The following MMS22L variants were observed in gnomAD, a reference collection of about 807,000 sequenced individuals.
The protein encoded by MMS22L is MMS22 like, DNA repair protein, also known as protein MMS22-like.
A neutral mutation model predicts 159.1 loss-of-function variants in MMS22L; 74 were observed. That is an observed-to-expected ratio of 0.47 (90% confidence interval 0.39 to 0.56). MMS22L has a LOEUF of 0.56. Among genes scored for constraint, MMS22L ranks in the 20% least tolerant of loss-of-function variants. MMS22L has a pLI of 0.00. For missense variants in MMS22L, 1,351 were observed against 1,422.1 expected (o/e 0.95, Z 0.80); for synonymous variants, 517 against 506.9 (o/e 1.02, Z -0.27).
At chr6:97,270,221 G>T in intron 6 of MMS22L, 1 of 607,466 alleles carries the variant, frequency 1.6e-6, no homozygotes, top group Admixed American at 2.4e-5. Context: ...AACCCACCTT[G>T]GGGCTGCTGA....
intron 14 of MMS22L, among the ~76,000 whole-genome samples, chr6:97,221,292 G>A (rs926181583): frequency 6.6e-6 from 1 of 151,930 alleles, no homozygotes; most frequent in African/African-American, 2.4e-5. Flanking sequence ...AGGAAAACTC[G>A]TATCTATGTA....
intron 20 of MMS22L, 104 bp downstream of exon 20, chr6:97,167,967 G>A: frequency 3.1e-6 from 3 of 967,388 alleles, no homozygotes; most frequent in Non-Finnish European, 4.5e-6. Context: ...AAGCATTTGA[G>A]ATTATAATGT....
intron 7 of MMS22L, 149 bp downstream of exon 7, chr6:97,269,753 G>C: frequency 1.7e-6 from 1 of 571,840 alleles, no homozygotes; most frequent in South Asian, 2.6e-5. Context: ...AGTTATCTCT[G>C]GAAAGAAAGG....
intron 4 of MMS22L, among the ~76,000 whole-genome samples, chr6:97,277,767 G>C (rs1228317683): frequency 6.6e-6 from 1 of 152,046 alleles, no homozygotes; most frequent in East Asian, 1.9e-4. Flanking sequence ...ACCAGAATGA[G>C]CCCCAAACAT....
intron 19 of MMS22L, among the ~76,000 whole-genome samples, chr6:97,170,491 T>C (rs1398280321): frequency 2.6e-5 from 4 of 151,780 alleles, no homozygotes; most frequent in African/African-American, 9.7e-5. Flanking sequence ...TGGCTATAAA[T>C]ATATTATTTA....
chr6:97,193,370 C>T (rs1348099099), intron 14 of MMS22L, among the ~76,000 whole-genome samples: 1 of 152,144 alleles, frequency 6.6e-6, no homozygotes, highest in Admixed American at 6.5e-5. Flanking sequence ...AATGAAGTTG[C>T]TTGCCTGTGT....
chr6:97,150,636 T>G (rs1341088668), intron 23 of MMS22L, among the ~76,000 whole-genome samples: 1 of 152,192 alleles, frequency 6.6e-6, no homozygotes, highest in African/African-American at 2.4e-5. Flanking sequence ...AGAAAATCCT[T>G]TTCTCCCCTC....
rs77747647 is a variant in MMS22L at position 97,255,176 on chromosome 6, T to C, written c.943-443A>G. On this transcript the variant is annotated intron_variant, in intron 9 of 24. Coordinates refer to ENST00000683635, the MANE Select transcript of MMS22L (RefSeq NM_001350599.2). Reference sequence around the variant, plus strand: ...CTATATTAATGAAAACTGCCATAGCTTATTGCAATATTCCAGTATATGACT... The same window carrying C: ...CTATATTAATGAAAACTGCCATAGCCTATTGCAATATTCCAGTATATGACT... Among the ~76,000 whole-genome samples the C allele has an allele frequency of 7.0e-3, 1,066 of 152,286 alleles. 12 individuals are homozygous for C. The highest frequency in any genetic ancestry group is 0.024 in the African/African-American group (996 of 41,580).
In MMS22L at chr6:97,157,782, T is replaced by G. The variant is rs4839899; in HGVS notation, c.3385+4220A>C. On this transcript the variant is annotated intron_variant, in intron 22 of 24. Transcript: ENST00000683635. ...CAGGGATATTGATCTAAAATTTTTT[T>G]TTGTTGTTGTGTCTCTGCCAGGTTT... 4.6e-3 allele frequency among the ~76,000 whole-genome samples: 703 copies of G among 152,290 alleles called. 7 individuals are homozygous for G. The highest frequency in any genetic ancestry group is 0.036 in the East Asian group (188 of 5,174).
intron 14 of MMS22L, among the ~76,000 whole-genome samples, chr6:97,216,669 C>T (rs180816034): frequency 6.6e-6 from 1 of 152,166 alleles, no homozygotes; most frequent in African/African-American, 2.4e-5. Flanking sequence ...CCGTGTGGTG[C>T]CATGAAAGAG....
At chr6:97,194,673 G>A (rs1582559844) in intron 14 of MMS22L, among the ~76,000 whole-genome samples, 1 of 152,242 alleles carries the variant, frequency 6.6e-6, no homozygotes, top group East Asian at 1.9e-4. Context: ...CATGGAGGAG[G>A]ATTGAAAATA....
chr6:97,273,771 T>C (rs1815988823), intron 4 of MMS22L, among the ~76,000 whole-genome samples: 1 of 152,144 alleles, frequency 6.6e-6, no homozygotes, highest in Non-Finnish European at 1.5e-5. Flanking sequence ...AATAACCAAA[T>C]ATACATTGAA....
chr6:97,168,188 T>C lies in MMS22L; in HGVS notation c.2892A>G (p.Lys964=), dbSNP rs1803172302. 1.2e-6 allele frequency: 2 copies of C among 1,613,056 alleles called. No individual in the cohort carries two copies. Among genetic ancestry groups the C allele is most frequent in the Non-Finnish European group, 1.7e-6 (2 of 1,179,332 alleles). ...AQIFATSKAQ[K]LLFRIIDCLL... is the part of the protein sequence containing the mutation. ...AACAATCTATGATCCGGAATAGTAA[T>C]TTTTGGGCTTTAGAAGTGGCAAAGA... is the stretch of plus-strand genomic sequence containing the variant. Residue 964 remains lysine (K), a synonymous_variant, in exon 20 of 25, where the codon AAA becomes AAG. Coordinates refer to ENST00000683635, the MANE Select transcript of MMS22L (RefSeq NM_001350599.2).
At chr6:97,164,437 T>C (rs577394790) in intron 21 of MMS22L, among the ~76,000 whole-genome samples, 1 of 152,090 alleles carries the variant, frequency 6.6e-6, no homozygotes, top group South Asian at 2.1e-4. Flanking sequence ...AAACATTTTT[T>C]ATTACTGAAC....
chr6:97,245,561 CA>C (rs544680305), intron 11 of MMS22L, among the ~76,000 whole-genome samples: 2 of 151,282 alleles, frequency 1.3e-5, no homozygotes, highest in Admixed American at 1.3e-4. Flanking sequence ...AATATGTTCT[CA>C]AAAAAAATGA....
At position 97,281,232 on chromosome 6, in the gene MMS22L, A is replaced by G. The variant is rs1816730260; in HGVS notation, c.290+5T>C. On this transcript the variant is annotated splice_donor_5th_base_variant and intron_variant, in intron 3 of 24. Coordinates refer to ENST00000683635, the MANE Select transcript of MMS22L (RefSeq NM_001350599.2). The stretch of plus-strand genomic sequence containing the variant: ...CACTCACAGAAAGTTATAACGAAGA[A>G]ATACCTGAATAAATGAAAGAGTTCT... 1 of 1,599,652 alleles carries G rather than the reference A, an allele frequency of 6.3e-7. No homozygotes were observed. Among genetic ancestry groups the G allele is most frequent in the Non-Finnish European group, 8.5e-7 (1 of 1,176,278 alleles).
chr6:97,188,870 G>A (rs1347674332), intron 14 of MMS22L, among the ~76,000 whole-genome samples: 2 of 152,128 alleles, frequency 1.3e-5, no homozygotes, highest in Non-Finnish European at 1.5e-5. Context: ...GCTGAGGTAG[G>A]AGAATTGCTT....
intron 11 of MMS22L, among the ~76,000 whole-genome samples, chr6:97,241,132 C>A (rs1048464497): frequency 6.6e-6 from 1 of 152,174 alleles, no homozygotes; most frequent in African/African-American, 2.4e-5. Flanking sequence ...CCTGCAAATA[C>A]CATTATTTCA....
At chr6:97,155,517 T>C (rs567426004) in intron 22 of MMS22L, among the ~76,000 whole-genome samples, 1 of 152,198 alleles carries the variant, frequency 6.6e-6, no homozygotes, top group Admixed American at 6.5e-5. Context: ...CCTGTGTCCA[T>C]GTGTACTCAT....
Sources: gnomAD v4.1 joint callset for allele counts (sites outside exome capture counted in the v4.1 genomes callset) on GRCh38, gnomAD v4.1.1 for gene constraint, MANE v1.5 for transcripts, NCBI Gene and HGNC (gene_info 2026-07-23, HGNC 2026-07-21) for gene names.